COL27A1: variants seen among roughly 807,000 people sequenced by gnomAD.
COL27A1 encodes collagen alpha-1(XXVII) chain.
COL27A1 carries 106 observed loss-of-function variants against 251.3 expected under a neutral mutation model. That is an observed-to-expected ratio of 0.42 (90% CI 0.36 to 0.50). The LOEUF is 0.50. COL27A1 is among the 20% of genes least tolerant of loss of function. The probability of loss-of-function intolerance (pLI) is 0.00; values close to 1 mark genes in which losing one functional copy is unlikely to be tolerated. For synonymous variants in COL27A1, 1,000 were observed against 986.3 expected (o/e 1.01, Z -0.26); for missense variants, 2,325 against 2,522.8 (o/e 0.92, Z 1.68).
chr9:114,155,238 C>G (rs1313158113), upstream of COL27A1, among the ~76,000 whole-genome samples: 1 of 152,034 alleles, frequency 6.6e-6, no homozygotes, highest in Non-Finnish European at 1.5e-5. This position sits in a 1 kb window ranked among gnomAD's most constrained non-coding sequence, Gnocchi z 5.5. Flanking sequence ...CCCCAACCCC[C>G]CATTGGAGGA....
chr9:114,297,068 G>T (rs1828304227), intron 49 of COL27A1, among the ~76,000 whole-genome samples: 1 of 152,196 alleles, frequency 6.6e-6, no homozygotes, highest in Admixed American at 6.5e-5. Context: ...AGGAAAGAAA[G>T]ATTACAAAAG....
At chr9:114,206,189 C>A in intron 9 of COL27A1, 63 bp from the exon 10 acceptor site, 1 of 1,541,638 alleles carries the variant, frequency 6.5e-7, no homozygotes, top group South Asian at 1.1e-5. Flanking sequence ...AGGACTTGCC[C>A]CAGGATTGGC....
At chr9:114,184,052 T>C (rs1828143035) in intron 5 of COL27A1, among the ~76,000 whole-genome samples, 1 of 152,022 alleles carries the variant, frequency 6.6e-6, no homozygotes, top group Non-Finnish European at 1.5e-5. Flanking sequence ...GCTGGAGAGA[T>C]AGGAGGGGAA....
intron 14 of COL27A1, among the ~76,000 whole-genome samples, chr9:114,225,904 AG>A (rs761271085): frequency 5.5e-4 from 83 of 152,216 alleles, no homozygotes; most frequent in Admixed American, 3.7e-3. Flanking sequence ...TGGGCTGGGG[AG>A]GCCTTGCGAA....
At chr9:114,305,325 G>A (rs1588903382) in intron 57 of COL27A1, among the ~76,000 whole-genome samples, 1 of 152,312 alleles carries the variant, frequency 6.6e-6, no homozygotes, top group East Asian at 1.9e-4. Context: ...GGACAGCATG[G>A]ATGAGCCCCT....
intron 37 of COL27A1, among the ~76,000 whole-genome samples, chr9:114,280,384 G>T (rs144846940): frequency 6.6e-6 from 1 of 152,052 alleles, no homozygotes; most frequent in African/African-American, 2.4e-5. Flanking sequence ...TGTATTTTTA[G>T]TAGAGACAGC....
chr9:114,269,575 A>G (rs969599706), intron 35 of COL27A1, among the ~76,000 whole-genome samples: 6 of 134,150 alleles, frequency 4.5e-5, no homozygotes, highest in Admixed American at 1.8e-4. Context: ...AGATCATGCC[A>G]CTGCACTCCA....
At chr9:114,264,452 G>C in intron 29 of COL27A1, 44 bp downstream of exon 29, 2 of 1,449,030 alleles carry the variant, frequency 1.4e-6, no homozygotes, top group Non-Finnish European at 9.3e-7. Context: ...CTCCGACACT[G>C]GGTCAGGAAT....
Position 114,206,310 on chromosome 9 carries a change from G to T in COL27A1, c.2268+14G>T. ...AAAGGCAGCAGGGTAAGTGGTTCCT[G>T]GCCAGTGCCACATGGGTGGGGTTCT... On this transcript the variant is annotated intron_variant, in intron 10 of 60. Transcript: ENST00000356083. 2 of 1,613,966 alleles carry T rather than the reference G, an allele frequency of 1.2e-6. No homozygotes were observed. The highest frequency in any genetic ancestry group is 1.7e-6 in the Non-Finnish European group (2 of 1,179,820).
At position 114,309,343 on chromosome 9, in the gene COL27A1, C is replaced by T. The variant is rs1269083493; in HGVS notation, c.5301C>T (p.Cys1767=). 1.9e-6 allele frequency: 3 copies of T among 1,614,138 alleles called. No homozygotes were observed. Among genetic ancestry groups the T allele is most frequent in the Non-Finnish European group, 2.5e-6 (3 of 1,180,036 alleles). The change falls in exon 60 of 61, where the codon TGC becomes TGT. Residue 1767 remains cysteine (C), a synonymous_variant. Transcript: ENST00000356083. ...TGACCCAGCACATCACCATCCACTGCCTTAACATGACCGTGTGGCAGGAGG... is the reference window on the plus strand; with the variant it reads ...TGACCCAGCACATCACCATCCACTGTCTTAACATGACCGTGTGGCAGGAGG... The part of the protein sequence containing the change: ...SEVTQHITIH[C]LNMTVWQEGT...
In COL27A1 at chr9:114,284,662, T is replaced by C. The variant is rs1827332222; in HGVS notation, c.3934-62T>C. On this transcript the variant is annotated intron_variant, in intron 40 of 60. Coordinates refer to ENST00000356083, the MANE Select transcript of COL27A1 (RefSeq NM_032888.4). ...GCAGCCCAGTATCCCCATCTTGGAGTCCATGTCCTTTGTCCTTCCTGAGTC... is the reference window on the plus strand; with the variant it reads ...GCAGCCCAGTATCCCCATCTTGGAGCCCATGTCCTTTGTCCTTCCTGAGTC... 1.9e-6 allele frequency: 3 copies of C among 1,558,862 alleles called. No individual in the cohort carries two copies. In the African/African-American group the frequency reaches 4.1e-5, roughly 21 times the overall value.
intron 35 of COL27A1, among the ~76,000 whole-genome samples, chr9:114,270,207 C>A (rs1331171354): frequency 6.6e-6 from 1 of 152,192 alleles, no homozygotes; most frequent in Admixed American, 6.5e-5. Flanking sequence ...CTTACAGCAA[C>A]CCTTGAAGAA....
At chr9:114,283,487 G>A (rs1183497512) in intron 39 of COL27A1, among the ~76,000 whole-genome samples, 7 of 150,890 alleles carry the variant, frequency 4.6e-5, no homozygotes, top group African/African-American at 7.3e-5. Context: ...CAGCTGTCTC[G>A]AACCCCTGGA....
intron 37 of COL27A1, among the ~76,000 whole-genome samples, chr9:114,276,334 G>A (rs920207877): frequency 3.3e-5 from 5 of 152,194 alleles, no homozygotes; most frequent in South Asian, 2.1e-4. Flanking sequence ...GGCCAGGTGC[G>A]GTGGCTCACG....
chr9:114,278,760 C>G (rs1835722513), intron 37 of COL27A1, among the ~76,000 whole-genome samples: 1 of 151,890 alleles, frequency 6.6e-6, no homozygotes, highest in Non-Finnish European at 1.5e-5. Flanking sequence ...TCACTTGGGC[C>G]AGACGAAGTG....
chr9:114,206,023 T>C (rs1298968556), intron 9 of COL27A1, among the ~76,000 whole-genome samples: 2 of 152,178 alleles, frequency 1.3e-5, no homozygotes, highest in African/African-American at 4.8e-5. Context: ...GGTCTGGTTC[T>C]GCGGGGCTGG....
chr9:114,250,376 C>G (rs572275277), intron 24 of COL27A1, among the ~76,000 whole-genome samples: 1 of 152,194 alleles, frequency 6.6e-6, no homozygotes, highest in African/African-American at 2.4e-5. Context: ...TGTGGCGCTC[C>G]CAGGGATGTT....
upstream of COL27A1, among the ~76,000 whole-genome samples, chr9:114,155,072 T>G (rs1257058561): frequency 6.6e-6 from 1 of 151,948 alleles, no homozygotes; most frequent in Non-Finnish European, 1.5e-5. This position sits in a 1 kb window ranked among gnomAD's most constrained non-coding sequence, Gnocchi z 5.5. Context: ...CTATATGTTC[T>G]CCAGGGCGCT....
intron 1 of COL27A1, among the ~76,000 whole-genome samples, chr9:114,157,247 A>G (rs1011545190): frequency 1.5e-4 from 23 of 152,252 alleles, no homozygotes; most frequent in Non-Finnish European, 1.3e-4. Context: ...GCAAGTGGGC[A>G]GTCAACACTG....
Sources: gnomAD v4.1 joint callset for allele counts (sites outside exome capture counted in the v4.1 genomes callset) on GRCh38, gnomAD v4.1.1 for gene constraint, Gnocchi (gnomAD v3.1) non-coding constraint, MANE v1.5 for transcripts, NCBI Gene and HGNC (gene_info 2026-07-23, HGNC 2026-07-21) for gene names.